CSMD2: variants seen among roughly 807,000 people sequenced by gnomAD.
The protein encoded by CSMD2 is CUB and sushi domain-containing protein 2.
In CSMD2, 130 loss-of-function variants were observed where a neutral mutation model predicts 398.5. The ratio of observed to expected loss-of-function variants is 0.33; its 90% CI spans 0.28 to 0.38. CSMD2 has a LOEUF of 0.38. Among genes scored for constraint, CSMD2 ranks in the 10% least tolerant of loss-of-function variants. The pLI is 1.00. For synonymous variants in CSMD2, 1,828 were observed against 1,908.5 expected (o/e 0.96, Z 1.10); for missense variants, 3,829 against 4,764.9 (o/e 0.80, Z 5.78).
chr1:33,946,752 G>A (rs1004740010), intron 3 of CSMD2, among the ~76,000 whole-genome samples: 6 of 148,806 alleles, frequency 4.0e-5, no homozygotes, highest in African/African-American at 1.5e-4. Flanking sequence ...CTGAGTAACT[G>A]GGATTACAGG....
intron 21 of CSMD2, chr1:33,709,629 G>A (rs990132674): frequency 2.4e-5 from 8 of 336,794 alleles, no homozygotes; most frequent in African/African-American, 1.7e-4. Flanking sequence ...AGGAGGTCAG[G>A]GGAAGAGGGG....
chr1:34,109,774 T>C (rs1195762168), intron 1 of CSMD2, among the ~76,000 whole-genome samples: 2 of 151,950 alleles, frequency 1.3e-5, no homozygotes, highest in African/African-American at 4.8e-5. Flanking sequence ...GCACGGTGGC[T>C]CATGCCTGTA....
intron 1 of CSMD2, among the ~76,000 whole-genome samples, chr1:34,117,299 A>G (rs1003998363): frequency 2.6e-5 from 4 of 152,156 alleles, no homozygotes; most frequent in Admixed American, 6.5e-5. Flanking sequence ...ACACATAAGT[A>G]AAAAGGATTA....
intron 2 of CSMD2, among the ~76,000 whole-genome samples, chr1:34,035,150 C>T (rs567852057): frequency 2.0e-5 from 3 of 152,132 alleles, no homozygotes; most frequent in Non-Finnish European, 2.9e-5. Context: ...CACAAACTAC[C>T]GTAAGTTTCC....
chr1:33,591,188 A>C (rs576945983), intron 44 of CSMD2, among the ~76,000 whole-genome samples: 1 of 152,040 alleles, frequency 6.6e-6, no homozygotes, highest in Non-Finnish European at 1.5e-5. Flanking sequence ...GGGTTTCTCC[A>C]TGTTGGTCAG....
intron 1 of CSMD2, among the ~76,000 whole-genome samples, chr1:34,106,315 G>A (rs1660521768): frequency 1.3e-5 from 2 of 152,104 alleles, no homozygotes. Flanking sequence ...CTGAGAAGGG[G>A]CCAACATTTC....
intron 1 of CSMD2, among the ~76,000 whole-genome samples, chr1:34,112,095 A>G (rs1435065464): frequency 6.6e-6 from 1 of 152,140 alleles, no homozygotes; most frequent in Non-Finnish European, 1.5e-5. Context: ...GATAATCTAA[A>G]AATTGTGTCA....
chr1:33,806,040 T>C (rs759148256), intron 10 of CSMD2, among the ~76,000 whole-genome samples: 33 of 152,038 alleles, frequency 2.2e-4, no homozygotes, highest in Non-Finnish European at 4.1e-4. Flanking sequence ...TCAATATAGC[T>C]TCACTTTTCA....
chr1:33,540,331 C>T (rs1656213837), intron 60 of CSMD2, among the ~76,000 whole-genome samples, 194 bp downstream of exon 60: 2 of 152,016 alleles, frequency 1.3e-5, no homozygotes, highest in African/African-American at 2.4e-5. Flanking sequence ...TATCTGACAC[C>T]AGGGCTCAAT....
intron 12 of CSMD2, among the ~76,000 whole-genome samples, chr1:33,787,634 G>A (rs541460726): frequency 6.6e-6 from 1 of 152,160 alleles, no homozygotes; most frequent in Non-Finnish European, 1.5e-5. Context: ...CAGTTGAGAC[G>A]ATGCCTAGAC....
intron 5 of CSMD2, among the ~76,000 whole-genome samples, chr1:33,848,220 G>A (rs575830881): frequency 1.3e-5 from 2 of 152,286 alleles, no homozygotes; most frequent in East Asian, 1.9e-4. Flanking sequence ...GGCAACTGAG[G>A]GACTTGTTAC....
intron 44 of CSMD2, chr1:33,600,012 G>A (rs567829858): frequency 1.6e-6 from 1 of 619,362 alleles, no homozygotes; most frequent in Admixed American, 3.0e-5. Context: ...AAGTACTTGA[G>A]CCTTCCTTTG....
intron 5 of CSMD2, among the ~76,000 whole-genome samples, chr1:33,889,734 TTA>T (rs1483547941): frequency 4.7e-5 from 7 of 150,002 alleles, no homozygotes; most frequent in East Asian, 2.0e-4. Context: ...AATAATATGT[TTA>T]TGTTTCACCT....
chr1:33,636,167 A>G lies in CSMD2; in HGVS notation c.4969+193T>C, dbSNP rs1462758581. Among the ~76,000 whole-genome samples, 1 of 152,134 alleles carries G rather than the reference A, an allele frequency of 6.6e-6. No homozygotes were observed. The highest frequency in any genetic ancestry group is 1.5e-5 in the Non-Finnish European group (1 of 68,004). On this transcript the variant is annotated intron_variant, in intron 30 of 70. Coordinates refer to ENST00000373381, the MANE Select transcript of CSMD2 (RefSeq NM_001281956.2). The surrounding 1 kb of genome is among the most constrained non-coding windows in gnomAD (Gnocchi z 4.8). Reference sequence around the variant, plus strand: ...GGGACACCATGGGTTCTGAGATGATACCTTGAAAGGAACTGCACACCTAGT... The same window carrying G: ...GGGACACCATGGGTTCTGAGATGATGCCTTGAAAGGAACTGCACACCTAGT...
At chr1:33,955,320 G>A (rs779848085) in intron 3 of CSMD2, among the ~76,000 whole-genome samples, 14 of 152,276 alleles carry the variant, frequency 9.2e-5, no homozygotes, top group Non-Finnish European at 1.8e-4. Flanking sequence ...CCAAGCAAAC[G>A]CGGTGTCAGC....
At chr1:34,110,040 C>CAAAAAAAAA (rs57314887) in intron 1 of CSMD2, among the ~76,000 whole-genome samples, 2 of 63,394 alleles carry the variant, frequency 3.2e-5, no homozygotes, top group Admixed American at 2.3e-4. Context: ...GACTCTGTCT[C>CAAAAAAAAA]AAAAAAAAAA....
chr1:33,763,110 C>G (rs1441907023), intron 13 of CSMD2, among the ~76,000 whole-genome samples: 2 of 152,132 alleles, frequency 1.3e-5, no homozygotes, highest in Non-Finnish European at 2.9e-5. Context: ...ATCACAACCC[C>G]ATGTATCTTG....
chr1:33,678,123 A>G lies in CSMD2; in HGVS notation c.4052+14807T>C, dbSNP rs113671551. 3.2e-3 allele frequency among the ~76,000 whole-genome samples: 481 copies of G among 151,816 alleles called. 4 individuals are homozygous for G. Among genetic ancestry groups the G allele is most frequent in the African/African-American group, 0.011 (466 of 41,422 alleles). ...TAAAGTATAATAATAATAAAATTAA[A>G]AAAAAAAGAGCGTGGCTCCTCCCCG... On this transcript the variant is annotated intron_variant, in intron 25 of 70. Transcript: ENST00000373381.
In CSMD2 at chr1:33,743,339, C is replaced by T. The variant is rs1449918464; in HGVS notation, c.2114G>A (p.Arg705His). The change falls in exon 14 of 71, where the codon CGT becomes CAT. Residue 705 changes from arginine to histidine, a missense_variant. Coordinates refer to ENST00000373381, the MANE Select transcript of CSMD2 (RefSeq NM_001281956.2). ...SSITSSGHVA[R>H]LEFQTDHSTG... ...GGAGTGGTCAGTCTGGAACTCGAGA[C>T]GGGCCACGTGGCCACTGCTTGTGAT... 6 of 1,613,910 alleles carry T rather than the reference C, an allele frequency of 3.7e-6. No homozygotes were observed. The highest frequency in any genetic ancestry group is 1.3e-5 in the African/African-American group (1 of 74,918).
Sources: allele counts gnomAD v4.1 joint callset (sites outside exome capture counted in the v4.1 genomes callset), GRCh38; gene constraint gnomAD v4.1.1; non-coding constraint Gnocchi (gnomAD v3.1); transcripts MANE v1.5; gene names NCBI Gene and HGNC (gene_info 2026-07-23, HGNC 2026-07-21).